CNTNAP5: variants seen among roughly 807,000 people sequenced by gnomAD.
CNTNAP5 encodes the protein contactin associated protein family member 5.
CNTNAP5 carries 72 observed loss-of-function variants against 150.2 expected under a neutral mutation model. That is an observed-to-expected ratio of 0.48 (90% CI 0.40 to 0.58). The LOEUF is 0.58. CNTNAP5 is among the 20% of genes least tolerant of loss of function. The pLI, the probability that CNTNAP5 is intolerant of heterozygous loss-of-function variation, is 0.00. For synonymous variants in CNTNAP5, 672 were observed against 619.8 expected (o/e 1.08, Z -1.25); for missense variants, 1,636 against 1,626.2 (o/e 1.01, Z -0.10).
intron 17 of CNTNAP5, among the ~76,000 whole-genome samples, chr2:124,784,622 A>G (rs944292747): frequency 6.6e-6 from 1 of 152,208 alleles, no homozygotes; most frequent in African/African-American, 2.4e-5. Context: ...GCATGCTGGT[A>G]TATTATTTGG....
chr2:124,483,964 TTTTG>T (rs1403050052), intron 7 of CNTNAP5, among the ~76,000 whole-genome samples: 4 of 152,200 alleles, frequency 2.6e-5, no homozygotes, highest in African/African-American at 9.7e-5. Flanking sequence ...GACCCTTACT[TTTTG>T]TTTGTTTCTC....
intron 11 of CNTNAP5, among the ~76,000 whole-genome samples, chr2:124,598,674 A>T (rs1399007764): frequency 1.3e-5 from 2 of 151,590 alleles, no homozygotes; most frequent in Non-Finnish European, 3.0e-5. Context: ...GGCTCCACCC[A>T]GTTTGAGCTT....
intron 1 of CNTNAP5, among the ~76,000 whole-genome samples, chr2:124,209,730 G>A (rs1461039873): frequency 3.3e-5 from 5 of 152,152 alleles, no homozygotes; most frequent in Admixed American, 1.3e-4. Context: ...TCAAGGACCT[G>A]TGTGCTACAA....
intron 1 of CNTNAP5, among the ~76,000 whole-genome samples, chr2:124,097,749 C>A (rs1682969008): frequency 6.6e-6 from 1 of 152,212 alleles, no homozygotes; most frequent in South Asian, 2.1e-4. Flanking sequence ...TGACTTCCGG[C>A]CAGGCGCAGT....
chr2:124,375,051 G>C (rs980592924), intron 3 of CNTNAP5, among the ~76,000 whole-genome samples: 5 of 152,074 alleles, frequency 3.3e-5, no homozygotes, highest in African/African-American at 1.2e-4. Flanking sequence ...AAAAGGAGCA[G>C]CTCTTTCTTA....
chr2:124,155,989 C>T (rs950942559), intron 1 of CNTNAP5, among the ~76,000 whole-genome samples: 1 of 152,138 alleles, frequency 6.6e-6, no homozygotes, highest in East Asian at 1.9e-4. Context: ...GGCCAGCCAC[C>T]CTCACCTCGT....
intron 19 of CNTNAP5, among the ~76,000 whole-genome samples, chr2:124,805,083 T>G (rs1682053605): frequency 6.6e-6 from 1 of 152,122 alleles, no homozygotes; most frequent in Middle Eastern, 3.2e-3. Context: ...GTAATGAAAA[T>G]GTGCAGTGCG....
chr2:124,431,319 A>T (rs1160577513), intron 4 of CNTNAP5, among the ~76,000 whole-genome samples: 1 of 151,922 alleles, frequency 6.6e-6, no homozygotes, highest in Non-Finnish European at 1.5e-5. Context: ...TGGACTGGAG[A>T]AAAGAAAACA....
At chr2:124,225,441 G>A (rs1490420213) in intron 2 of CNTNAP5, among the ~76,000 whole-genome samples, 1 of 152,150 alleles carries the variant, frequency 6.6e-6, no homozygotes, top group African/African-American at 2.4e-5. Flanking sequence ...AGGGAAAGCT[G>A]TGTGTCATTT....
chr2:124,514,766 AG>A (rs1457752225), intron 8 of CNTNAP5, among the ~76,000 whole-genome samples: 1 of 152,310 alleles, frequency 6.6e-6, no homozygotes, highest in African/African-American at 2.4e-5. Flanking sequence ...AGGGAAGGAA[AG>A]GATGCTCTAA....
intron 1 of CNTNAP5, among the ~76,000 whole-genome samples, chr2:124,106,830 G>A (rs185721649): frequency 1.1e-4 from 16 of 152,236 alleles, no homozygotes; most frequent in East Asian, 3.9e-4. Context: ...TGGAGCCATC[G>A]TATGGGACTG....
At chr2:124,629,583 G>A (rs1677801294) in intron 12 of CNTNAP5, among the ~76,000 whole-genome samples, 1 of 152,012 alleles carries the variant, frequency 6.6e-6, no homozygotes, top group African/African-American at 2.4e-5. Flanking sequence ...GAAATTTATA[G>A]GATTAAATGC....
intron 22 of CNTNAP5, among the ~76,000 whole-genome samples, chr2:124,909,096 C>T (rs2104766437): frequency 6.6e-6 from 1 of 152,108 alleles, no homozygotes; most frequent in Non-Finnish European, 1.5e-5. Flanking sequence ...GTTTATAAAG[C>T]CCGTAGCAGT....
At chr2:124,788,858 C>G (rs1231109413) in intron 17 of CNTNAP5, among the ~76,000 whole-genome samples, 1 of 152,072 alleles carries the variant, frequency 6.6e-6, no homozygotes, top group African/African-American at 2.4e-5. Context: ...GTCTTGAACT[C>G]CTGACCTCAA....
chr2:124,842,904 AT>A (rs142707430), intron 19 of CNTNAP5, among the ~76,000 whole-genome samples: 44 of 150,584 alleles, frequency 2.9e-4, no homozygotes, highest in East Asian at 2.3e-3. Context: ...TCTCTTTTTA[AT>A]TTTTTTTTTA....
chr2:124,145,794 TAAA>T (rs759470861), intron 1 of CNTNAP5, among the ~76,000 whole-genome samples: 563 of 29,510 alleles, frequency 0.019, 11 homozygotes, highest in African/African-American at 0.059. Context: ...TAAAGTATAA[TAAA>T]AAAAAAAAAA....
At chr2:124,531,583 C>T (rs945009028) in intron 10 of CNTNAP5, among the ~76,000 whole-genome samples, 1 of 152,126 alleles carries the variant, frequency 6.6e-6, no homozygotes, top group African/African-American at 2.4e-5. Flanking sequence ...TCTAGAAGCT[C>T]TAGGAGTCCA....
chr2:124,350,686 A>G (rs1309071238), intron 3 of CNTNAP5, among the ~76,000 whole-genome samples: 2 of 152,090 alleles, frequency 1.3e-5, no homozygotes, highest in African/African-American at 4.8e-5. Flanking sequence ...TTTTATCTAT[A>G]ATTTCTAAAT....
intron 3 of CNTNAP5, among the ~76,000 whole-genome samples, chr2:124,414,317 G>C (rs185147041): frequency 2.6e-5 from 4 of 151,998 alleles, no homozygotes; most frequent in African/African-American, 9.7e-5. Flanking sequence ...GTGAACTTGG[G>C]GAGGGGCTGA....
Sources: allele counts gnomAD v4.1 joint callset (sites outside exome capture counted in the v4.1 genomes callset), GRCh38; gene constraint gnomAD v4.1.1; transcripts MANE v1.5; gene names NCBI Gene and HGNC (gene_info 2026-07-23, HGNC 2026-07-21).